PLOD2: variants seen among roughly 807,000 people sequenced by gnomAD.
PLOD2 encodes procollagen-lysine,2-oxoglutarate 5-dioxygenase 2, also known as lysine hydroxylase 2.
In PLOD2, 65 loss-of-function variants were observed where a neutral mutation model predicts 101.0. The observed-to-expected ratio is 0.64, with a 90% CI of 0.53 to 0.79. PLOD2 has a LOEUF of 0.79. Ranked by LOEUF, PLOD2 falls within the 30% of genes least tolerant of loss-of-function variation. The pLI is 0.00. For missense variants in PLOD2, 909 were observed against 914.6 expected, an observed-to-expected ratio of 0.99 and a Z score of 0.08; for synonymous variants, 314 against 302.9, an observed-to-expected ratio of 1.04 and a Z score of -0.38.
intron 1 of PLOD2, among the ~76,000 whole-genome samples, chr3:146,148,063 A>G (rs1175721364): frequency 6.6e-6 from 1 of 151,786 alleles, no homozygotes; most frequent in African/African-American, 2.4e-5. Context: ...TTGACCCTGA[A>G]GCTACCAGAG....
chr3:146,096,810 C>T (rs1355521029), intron 7 of PLOD2, among the ~76,000 whole-genome samples: 99 of 137,664 alleles, frequency 7.2e-4, no homozygotes, highest in Middle Eastern at 9.1e-3. Context: ...AGGGGCTCCT[C>T]TGCCCGGCCG....
At chr3:146,121,568 T>C (rs1230787991) in intron 2 of PLOD2, among the ~76,000 whole-genome samples, 1 of 152,080 alleles carries the variant, frequency 6.6e-6, no homozygotes, top group Admixed American at 6.6e-5. Flanking sequence ...AGAAGAAAAA[T>C]GAATAAATTT....
At chr3:146,154,482 A>T (rs993704126) in intron 1 of PLOD2, among the ~76,000 whole-genome samples, 1 of 152,092 alleles carries the variant, frequency 6.6e-6, no homozygotes, top group African/African-American at 2.4e-5. Flanking sequence ...AGCAAAAAAA[A>T]AAAAAAGTTA....
At chr3:146,092,793 T>C (rs1443050031) in intron 7 of PLOD2, among the ~76,000 whole-genome samples, 2 of 152,074 alleles carry the variant, frequency 1.3e-5, no homozygotes, top group Non-Finnish European at 2.9e-5. Context: ...ATCCCTAGAA[T>C]TTGAACATGT....
In PLOD2 at chr3:146,104,282, C is replaced by G; in HGVS notation, c.676G>C (p.Val226Leu). The G allele has an allele frequency of 6.4e-7, 1 of 1,572,436 alleles. No individual in the cohort carries two copies. The highest frequency in any genetic ancestry group is 8.8e-7 in the Non-Finnish European group (1 of 1,142,012). ...CKIFQTLNGA[V>L]DEVVLKFENG... Reference sequence around the variant, plus strand: ...ATCCGGTATTTAGGAAGCATACCTACAGCTCCATTTAAGGTCTGGAAAATT... The same window carrying G: ...ATCCGGTATTTAGGAAGCATACCTAGAGCTCCATTTAAGGTCTGGAAAATT... Residue 226 changes from valine to leucine, a missense_variant, in exon 6 of 20, where the codon GTA becomes CTA. Val to Leu is a conservative substitution (Grantham distance 32). Coordinates refer to ENST00000282903, the MANE Select transcript of PLOD2 (RefSeq NM_182943.3).
At chr3:146,155,439 G>A (rs1352861149) in intron 1 of PLOD2, among the ~76,000 whole-genome samples, 6 of 151,824 alleles carry the variant, frequency 4.0e-5, no homozygotes, top group African/African-American at 9.7e-5. Context: ...TTGGCCAGGC[G>A]CGGTGGCTCA....
intron 1 of PLOD2, among the ~76,000 whole-genome samples, chr3:146,149,759 C>CA (rs1270389275): frequency 6.6e-6 from 1 of 152,112 alleles, no homozygotes; most frequent in Non-Finnish European, 1.5e-5. Context: ...AACCAACACC[C>CA]AGGCTAAATA....
chr3:146,092,310 C>T (rs1429348079), intron 7 of PLOD2, among the ~76,000 whole-genome samples: 1 of 152,016 alleles, frequency 6.6e-6, no homozygotes, highest in Non-Finnish European at 1.5e-5. Flanking sequence ...AGGCTGAGCA[C>T]AGACACCTAC....
chr3:146,080,345 A>G (rs1936494349), intron 12 of PLOD2, among the ~76,000 whole-genome samples: 1 of 152,144 alleles, frequency 6.6e-6, no homozygotes, highest in African/African-American at 2.4e-5. Context: ...TAAAAGTTAC[A>G]TGAATGTTTA....
At chr3:146,149,200 T>C (rs1277851884) in intron 1 of PLOD2, among the ~76,000 whole-genome samples, 1 of 152,174 alleles carries the variant, frequency 6.6e-6, no homozygotes, top group East Asian at 1.9e-4. Context: ...ACCCTCTCAC[T>C]CCCATCACCT....
chr3:146,080,714 T>C (rs1030897103), intron 12 of PLOD2, among the ~76,000 whole-genome samples: 7 of 152,148 alleles, frequency 4.6e-5, no homozygotes, highest in Non-Finnish European at 1.0e-4. Context: ...TCATTTGTGA[T>C]GTGCCCAAAG....
intron 8 of PLOD2, among the ~76,000 whole-genome samples, chr3:146,090,815 A>G (rs781546906): frequency 1.4e-4 from 21 of 151,848 alleles, no homozygotes; most frequent in Non-Finnish European, 2.1e-4. Flanking sequence ...AGGAGTTAGT[A>G]GTACTATATT....
chr3:146,082,778 C>G (rs1017808383), intron 11 of PLOD2, among the ~76,000 whole-genome samples: 1 of 152,018 alleles, frequency 6.6e-6, no homozygotes, highest in African/African-American at 2.4e-5. Flanking sequence ...ACCTATAATC[C>G]CAGCTAATCA....
At chr3:146,091,985 A>G in intron 7 of PLOD2, 84 bp from the exon 8 acceptor site, 1 of 755,918 alleles carries the variant, frequency 1.3e-6, no homozygotes, top group Non-Finnish European at 2.4e-6. Flanking sequence ...ATTTAAAAGC[A>G]TGTTTTCTGC....
At chr3:146,150,435 T>G (rs1042509314) in intron 1 of PLOD2, among the ~76,000 whole-genome samples, 9 of 151,928 alleles carry the variant, frequency 5.9e-5, no homozygotes, top group Non-Finnish European at 1.2e-4. Flanking sequence ...AGAACATGGA[T>G]GGAGCTGGAG....
intron 10 of PLOD2, 123 bp from the exon 11 acceptor site, chr3:146,085,396 A>C (rs1305202669): frequency 1.2e-5 from 8 of 675,538 alleles, no homozygotes; most frequent in Non-Finnish European, 1.9e-5. Context: ...TCTGATCAAA[A>C]TAGTGGAACA....
chr3:146,088,818 T>C (rs1176548729), intron 8 of PLOD2, 107 bp from the exon 9 acceptor site: 1 of 970,460 alleles, frequency 1.0e-6, no homozygotes, highest in Non-Finnish European at 1.6e-6. Flanking sequence ...AGAATATCAA[T>C]TCAACATAAT....
intron 3 of PLOD2, among the ~76,000 whole-genome samples, chr3:146,119,599 C>A (rs2029887293): frequency 6.6e-6 from 1 of 152,006 alleles, no homozygotes. Flanking sequence ...CCCATTCCCC[C>A]ACTCCACAAC....
At chr3:146,123,452 T>G (rs905053736) in intron 2 of PLOD2, 2 of 177,356 alleles carry the variant, frequency 1.1e-5, no homozygotes, top group Non-Finnish European at 2.4e-5. Context: ...AGATAAGTTT[T>G]CTAAAATGCT....
Sources: allele counts gnomAD v4.1 joint callset (sites outside exome capture counted in the v4.1 genomes callset), GRCh38; gene constraint gnomAD v4.1.1; transcripts MANE v1.5; gene names NCBI Gene and HGNC (gene_info 2026-07-23, HGNC 2026-07-21).